FAM216A: variants seen among roughly 807,000 people sequenced by gnomAD.
The protein encoded by FAM216A is protein FAM216A.
Under a neutral mutation model 37.6 loss-of-function variants are expected in FAM216A, and 26 were observed. That is an observed-to-expected ratio of 0.69 (90% CI 0.51 to 0.96). FAM216A has a LOEUF of 0.96. Ranked by LOEUF, FAM216A falls within the 40% of genes least tolerant of loss-of-function variation. The probability of loss-of-function intolerance (pLI) is 0.00; values close to 1 mark genes in which losing one functional copy is unlikely to be tolerated. For synonymous variants in FAM216A, 110 were observed against 121.7 expected (o/e 0.90, Z 0.64); for missense variants, 326 against 339.3 (o/e 0.96, Z 0.31).
chr12:110,468,456 G>A, upstream of FAM216A: 3 of 1,536,836 alleles, frequency 2.0e-6, no homozygotes, highest in Non-Finnish European at 2.6e-6. Flanking sequence ...TTGGGATGCT[G>A]TCTAAGCTTG....
chr12:110,468,711 C>G (rs2062656813), upstream of FAM216A: 11 of 1,509,786 alleles, frequency 7.3e-6, no homozygotes, highest in South Asian at 1.4e-4. Flanking sequence ...CCGCAGCGCT[C>G]CTGCCCCTCC....
chr12:110,468,479 A>G (rs754913639), upstream of FAM216A: 4 of 1,537,090 alleles, frequency 2.6e-6, no homozygotes, highest in African/African-American at 2.7e-5. Context: ...TACCTGAGTA[A>G]TAACGGACAA....
intron 3 of FAM216A, among the ~76,000 whole-genome samples, chr12:110,485,700 A>G (rs2062773450): frequency 6.6e-6 from 1 of 152,234 alleles, no homozygotes; most frequent in South Asian, 2.1e-4. Context: ...TCTCTAGAGC[A>G]ATGTGAATTA....
At position 110,490,335 on chromosome 12, in the gene FAM216A, C is replaced by A. The variant is rs2062805099; in HGVS notation, c.*198C>A. The A allele has an allele frequency of 1.8e-6, 1 of 549,664 alleles. No individual in the cohort carries two copies. The highest frequency in any genetic ancestry group is 3.2e-6 in the Non-Finnish European group (1 of 309,962). 34.0% of individuals were successfully genotyped at this position (549,664 alleles called of 1,614,324 possible). ...GTTATGTAAGAAAATTTACATGTAACATATACTTGTACTTCTAGCTAGATA... is the reference window on the plus strand; with the variant it reads ...GTTATGTAAGAAAATTTACATGTAAAATATACTTGTACTTCTAGCTAGATA... On this transcript the variant is annotated 3_prime_UTR_variant, in exon 7 of 7. Transcript: ENST00000377673.
chr12:110,479,858 AAAAAC>A (rs892659733), intron 2 of FAM216A, among the ~76,000 whole-genome samples: 1 of 151,818 alleles, frequency 6.6e-6, no homozygotes, highest in Non-Finnish European at 1.5e-5. Context: ...AAAAAAAACA[AAAAAC>A]AAAACAACAA....
chr12:110,488,272 G>A (rs1023147504), intron 6 of FAM216A, among the ~76,000 whole-genome samples: 1 of 151,906 alleles, frequency 6.6e-6, no homozygotes, highest in African/African-American at 2.4e-5. Flanking sequence ...TTAGCTGGGC[G>A]TGATGGCAGG....
intron 1 of FAM216A, among the ~76,000 whole-genome samples, chr12:110,471,335 C>G (rs111546365): frequency 6.1e-4 from 93 of 152,276 alleles, no homozygotes; most frequent in Middle Eastern, 3.4e-3. Flanking sequence ...GTGATCCACC[C>G]GCCTCGGCCT....
intron 2 of FAM216A, among the ~76,000 whole-genome samples, chr12:110,478,801 T>C (rs2062729600): frequency 6.6e-6 from 1 of 152,160 alleles, no homozygotes; most frequent in African/African-American, 2.4e-5. Flanking sequence ...GCTATAGAAC[T>C]ATGAGTCAAT....
intron 1 of FAM216A, 30 bp downstream of exon 1, chr12:110,469,048 G>C: frequency 7.1e-7 from 1 of 1,407,728 alleles, no homozygotes; most frequent in Non-Finnish European, 9.2e-7. Flanking sequence ...GGTAAGGGTG[G>C]CAGCATGGGG....
chr12:110,484,439 A>C (rs920584244), intron 2 of FAM216A, among the ~76,000 whole-genome samples: 6 of 147,504 alleles, frequency 4.1e-5, no homozygotes, highest in African/African-American at 1.2e-4. Flanking sequence ...AAAAAAAAAA[A>C]AAAAAAAAAA....
At chr12:110,471,795 C>T (rs950648658) in intron 1 of FAM216A, among the ~76,000 whole-genome samples, 2 of 152,148 alleles carry the variant, frequency 1.3e-5, no homozygotes, top group African/African-American at 4.8e-5. Context: ...GCGCCTGGCC[C>T]ATGAACTCTT....
At chr12:110,488,405 C>T (rs371934308) in intron 6 of FAM216A, among the ~76,000 whole-genome samples, 2,331 of 122,080 alleles carry the variant, frequency 0.019, 57 homozygotes, top group African/African-American at 0.069. Flanking sequence ...AGTGAGACTC[C>T]ATCTCAAAAA....
rs138290088 is a variant in FAM216A, at chr12:110,486,614, C to T, written c.517C>T (p.Gln173Ter). ...QHYPCTTWRH[Q>*]LEREDSGSSD... ...TTACCCTTGCACTACATGGCGACAT[C>T]AACTGGAGAGAGAGGACTCGGGGTC... is the stretch of plus-strand genomic sequence containing the variant. Residue 173 changes from glutamine (Q) to a stop codon, truncating the protein, a stop_gained, in exon 5 of 7, where the codon CAA (glutamine) becomes TAA (stop). Transcript: ENST00000377673. LOFTEE classifies it high-confidence loss of function. 143 of 1,614,056 alleles carry T rather than the reference C, an allele frequency of 8.9e-5. No individual in the cohort carries two copies. The highest frequency in any genetic ancestry group is 1.2e-4 in the Non-Finnish European group (137 of 1,180,032).
intron 2 of FAM216A, among the ~76,000 whole-genome samples, chr12:110,481,552 C>T (rs2062747162): frequency 1.3e-5 from 2 of 149,994 alleles, no homozygotes; most frequent in Admixed American, 1.3e-4. Flanking sequence ...TTAGTAGAGA[C>T]GGGTTTCACC....
rs749702912 is a variant in FAM216A at position 110,485,196 on chromosome 12, C to G, written c.303C>G (p.Phe101Leu). 1.9e-6 allele frequency: 3 copies of G among 1,605,950 alleles called. No individual in the cohort carries two copies. In the South Asian group the frequency reaches 3.3e-5, roughly 18 times the overall value. The change falls in exon 3 of 7, where the codon TTC becomes TTG. Residue 101 changes from phenylalanine to leucine, a missense_variant. By Grantham distance (22) the Phe-to-Leu change is conservative. Coordinates refer to ENST00000377673, the MANE Select transcript of FAM216A (RefSeq NM_013300.3). ...LSKSMMEASF[F>L]KHPDLTTGQK... ...AATCAATGATGGAGGCGTCCTTTTT[C>G]AAGGTATGCTAACAGGGACATATTT...
chr12:110,474,819 T>C (rs934120243), intron 2 of FAM216A, among the ~76,000 whole-genome samples: 3 of 147,762 alleles, frequency 2.0e-5, no homozygotes, highest in Admixed American at 6.8e-5. Context: ...CTGACCAACA[T>C]AGAGAAACCC....
At chr12:110,489,332 C>G (rs2062796770) in intron 6 of FAM216A, among the ~76,000 whole-genome samples, 1 of 152,060 alleles carries the variant, frequency 6.6e-6, no homozygotes, top group Admixed American at 6.6e-5. Flanking sequence ...TGGAGAAACC[C>G]TGTCTCTACT....
At position 110,480,193 on chromosome 12, in the gene FAM216A, ATTTTTTTTT is replaced by A. The variant is rs71083126; in HGVS notation, c.185-4865_185-4857del. ...GGTGCACCCCCACCACGCCTAGCTAATTTTTTTTTTTTTTTTTTTTTTTTTTTTGAGATG... is the reference window on the plus strand; with the variant it reads ...GGTGCACCCCCACCACGCCTAGCTAATTTTTTTTTTTTTTTTTTTGAGATG... On this transcript the variant is annotated intron_variant, in intron 2 of 6. Transcript: ENST00000377673. Among the ~76,000 whole-genome samples, 23 of 30,872 alleles carry A rather than the reference ATTTTTTTTT, an allele frequency of 7.5e-4. No homozygotes were observed. In the East Asian group the frequency reaches 0.012, roughly 17 times the overall value. 20.3% of individuals were successfully genotyped at this position (30,872 alleles called of 152,430 possible).
rs748360911 is a variant in FAM216A, at chr12:110,486,680, C to T, written c.583C>T (p.Gln195Ter). ...TGCATCTGCACCTGAAATGCTCATA[C>T]AGCATTCCCTTTGGCGGCCAGTGAG... ...AAASAPEMLI[Q>*]HSLWRPVRNK... Residue 195 changes from glutamine (Q) to a stop codon, truncating the protein, a stop_gained, in exon 5 of 7, where the codon CAG becomes TAG. Coordinates refer to ENST00000377673, the MANE Select transcript of FAM216A (RefSeq NM_013300.3). LOFTEE classifies it high-confidence loss of function. The T allele has an allele frequency of 1.9e-6, 3 of 1,614,096 alleles. No homozygotes were observed. The highest frequency in any genetic ancestry group is 2.5e-6 in the Non-Finnish European group (3 of 1,179,996).
Sources: allele counts gnomAD v4.1 joint callset (sites outside exome capture counted in the v4.1 genomes callset), GRCh38; gene constraint gnomAD v4.1.1; transcripts MANE v1.5; gene names NCBI Gene and HGNC (gene_info 2026-07-23, HGNC 2026-07-21).